ANKS3: variants seen among roughly 807,000 people sequenced by gnomAD.
ANKS3 encodes the protein ankyrin repeat and sterile alpha motif domain containing 3, also known as ankyrin repeat and SAM domain-containing protein 3.
ANKS3 carries 62 observed loss-of-function variants against 80.7 expected under a neutral mutation model. That is an observed-to-expected ratio of 0.77 (90% CI 0.63 to 0.95). The LOEUF is 0.95. ANKS3 is among the 40% of genes least tolerant of loss of function. The pLI, the probability that ANKS3 is intolerant of heterozygous loss-of-function variation, is 0.00. For missense variants in ANKS3, 1,150 were observed against 883.6 expected (o/e 1.30, Z -3.82); for synonymous variants, 489 against 355.3 (o/e 1.38, Z -4.23).
intron 1 of ANKS3, among the ~76,000 whole-genome samples, chr16:4,733,129 A>C (rs546190707): frequency 2.0e-4 from 30 of 150,692 alleles, no homozygotes; most frequent in African/African-American, 6.8e-4. Context: ...TACAAAAAAA[A>C]CAGAATGAAT....
At chr16:4,732,142 G>A (rs1280550245) in intron 1 of ANKS3, among the ~76,000 whole-genome samples, 1 of 151,878 alleles carries the variant, frequency 6.6e-6, no homozygotes, top group Non-Finnish European at 1.5e-5. Flanking sequence ...GGTGCGGTGG[G>A]GCAAGCAAAG....
rs187319885 is a variant in ANKS3, at chr16:4,716,707, G to T, written c.574-2521C>A. Among the ~76,000 whole-genome samples, 489 of 151,924 alleles carry T rather than the reference G, an allele frequency of 3.2e-3. 2 individuals carry two copies. Among genetic ancestry groups the T allele is most frequent in the Non-Finnish European group, 5.9e-3 (400 of 67,966 alleles). ...CCAAGGTGGGTGGATCATAGGTCAT[G>T]AGTTCGAGACCAGCCTGGGCAATGT... is the stretch of plus-strand genomic sequence containing the variant. On this transcript the variant is annotated intron_variant, in intron 6 of 17. Transcript: ENST00000304283.
intron 1 of ANKS3, among the ~76,000 whole-genome samples, chr16:4,732,966 G>A (rs1462041332): frequency 6.6e-6 from 1 of 151,976 alleles, no homozygotes; most frequent in Non-Finnish European, 1.5e-5. Context: ...AAATAAGCCA[G>A]GCACAGAAAG....
In ANKS3 at chr16:4,724,940, G is replaced by A; in HGVS notation, c.492-109C>T. 11 of 839,806 alleles carry A rather than the reference G, an allele frequency of 1.3e-5. 1 individual carries two copies. In the South Asian group the frequency reaches 1.8e-4, roughly 14 times the overall value. The allele number at this position is 839,806 out of a possible 1,614,324, so 52.0% of individuals were successfully genotyped here. On this transcript the variant is annotated intron_variant, in intron 5 of 17. Coordinates refer to ENST00000304283, the MANE Select transcript of ANKS3 (RefSeq NM_133450.4). Reference sequence around the variant, plus strand: ...CAGTGCACGAGTCACCGATCCCTAAGCGTAGAACACTGTCCCTTTCCAGAA... The same window carrying A: ...CAGTGCACGAGTCACCGATCCCTAAACGTAGAACACTGTCCCTTTCCAGAA...
chr16:4,698,835 C>T lies in ANKS3; in HGVS notation c.1516G>A (p.Ala506Thr), dbSNP rs1389760717. Residue 506 changes from alanine (A) to threonine (T), a missense_variant, in exon 13 of 18, where the codon GCT (alanine) becomes ACT (threonine). Coordinates refer to ENST00000304283, the MANE Select transcript of ANKS3 (RefSeq NM_133450.4). Reference sequence around the variant, plus strand: ...TGGATGGCGAGCTCCTGCATCTCAGCCTCCAGCCGGTCGGCGTAGGCCAGC... The same window carrying T: ...TGGATGGCGAGCTCCTGCATCTCAGTCTCCAGCCGGTCGGCGTAGGCCAGC... ...LELAYADRLE[A>T]EMQELAIQLH... 1.2e-6 allele frequency: 2 copies of T among 1,607,800 alleles called. No individual in the cohort carries two copies. Among genetic ancestry groups the T allele is most frequent in the Non-Finnish European group, 1.7e-6 (2 of 1,176,990 alleles).
chr16:4,698,450 A>G lies in ANKS3; in HGVS notation c.1701T>C (p.Ala567=), dbSNP rs1195376029. ...ACCGCAGCTGGTCCAGGACGAGGGC[A>G]GCATCCCGGGCCAGGGCCCACGTCT... The part of the protein sequence containing the change: ...LRETWALARD[A]ALVLDQLRAC... Residue 567 remains alanine (A), a synonymous_variant, in exon 14 of 18, where the codon GCT becomes GCC. Transcript: ENST00000304283. 8 of 1,537,902 alleles carry G rather than the reference A, an allele frequency of 5.2e-6. No homozygotes were observed. In the South Asian group the frequency reaches 9.7e-5, roughly 19 times the overall value.
chr16:4,697,515 C>G, intron 15 of ANKS3, 99 bp from the exon 16 acceptor site: 1 of 981,602 alleles, frequency 1.0e-6, no homozygotes, highest in Non-Finnish European at 1.5e-6. Context: ...CTGCTTGGAT[C>G]AGAACCTCCC....
chr16:4,708,641 A>G (rs1480284100), intron 7 of ANKS3, among the ~76,000 whole-genome samples: 1 of 152,168 alleles, frequency 6.6e-6, no homozygotes, highest in Non-Finnish European at 1.5e-5. Context: ...TAACTTAAGA[A>G]AAAAAGGAAG....
intron 1 of ANKS3, among the ~76,000 whole-genome samples, chr16:4,733,395 G>A (rs1250715957): frequency 1.3e-5 from 2 of 151,804 alleles, no homozygotes; most frequent in African/African-American, 4.8e-5. Flanking sequence ...GGGTTCAAGC[G>A]ATTCTCCTGC....
chr16:4,705,783 G>A (rs1408602597), intron 7 of ANKS3, among the ~76,000 whole-genome samples: 2 of 152,030 alleles, frequency 1.3e-5, no homozygotes, highest in East Asian at 1.9e-4. Context: ...CTCTGTTGGG[G>A]TTTGCCAAAT....
chr16:4,703,198 G>A (rs1370682710), intron 8 of ANKS3, among the ~76,000 whole-genome samples: 2 of 152,144 alleles, frequency 1.3e-5, no homozygotes, highest in East Asian at 3.9e-4. Context: ...CTACAGCCTT[G>A]ACCTCCTGGG....
chr16:4,721,045 C>T (rs1421687317), intron 6 of ANKS3, among the ~76,000 whole-genome samples: 1 of 150,494 alleles, frequency 6.6e-6, no homozygotes, highest in Non-Finnish European at 1.5e-5. Context: ...GTGGCTCACG[C>T]CTGTAATCCC....
Position 4,699,062 on chromosome 16 carries a change from T to C in ANKS3, c.1399A>G (p.Ile467Val). ...CCCTTCTGGACGCACGTGATGCCAA[T>C]TTCCTTCAGGTCGCTCTCAGTGAGG... ...LTLTESDLKEIGITLFGPKRK... is the reference protein window; with the variant it reads ...LTLTESDLKEVGITLFGPKRK... The change falls in exon 12 of 18, where the codon ATT (isoleucine) becomes GTT (valine). Residue 467 changes from isoleucine (I) to valine (V), a missense_variant. Physicochemically the swap from Ile to Val is conservative, Grantham distance 29. Coordinates refer to ENST00000304283, the MANE Select transcript of ANKS3 (RefSeq NM_133450.4). 6.2e-7 allele frequency: 1 copy of C among 1,614,126 alleles called. No homozygotes were observed. Among genetic ancestry groups the C allele is most frequent in the Non-Finnish European group, 8.5e-7 (1 of 1,180,030 alleles).
chr16:4,720,161 CAAA>C (rs34135519), intron 6 of ANKS3, among the ~76,000 whole-genome samples: 1 of 61,050 alleles, frequency 1.6e-5, no homozygotes, highest in African/African-American at 6.5e-5. Context: ...GACCCCACCC[CAAA>C]AAAAAAAAAA....
At chr16:4,728,288 A>G (rs934397848) in intron 3 of ANKS3, among the ~76,000 whole-genome samples, 1 of 151,870 alleles carries the variant, frequency 6.6e-6, no homozygotes, top group Non-Finnish European at 1.5e-5. Flanking sequence ...CTCGTGATCC[A>G]CCCGCCTTAG....
intron 8 of ANKS3, among the ~76,000 whole-genome samples, chr16:4,703,909 G>A (rs2080051091): frequency 6.6e-6 from 1 of 152,230 alleles, no homozygotes; most frequent in Non-Finnish European, 1.5e-5. Context: ...TTGTTGTACA[G>A]CTATATAGAT....
At chr16:4,722,835 T>C (rs547527493) in intron 6 of ANKS3, among the ~76,000 whole-genome samples, 1 of 151,432 alleles carries the variant, frequency 6.6e-6, no homozygotes, top group East Asian at 1.9e-4. Context: ...GAAGAACTGC[T>C]TGAACTTGGG....
At chr16:4,709,406 CAA>C (rs113125252) in intron 7 of ANKS3, among the ~76,000 whole-genome samples, 5 of 103,332 alleles carry the variant, frequency 4.8e-5, no homozygotes, top group Admixed American at 1.0e-4. Flanking sequence ...AACTCCATCT[CAA>C]AAAAAAAAAA....
chr16:4,716,946 T>G (rs2080834068), intron 6 of ANKS3, among the ~76,000 whole-genome samples: 1 of 151,600 alleles, frequency 6.6e-6, no homozygotes, highest in Admixed American at 6.6e-5. Context: ...AACAATAATT[T>G]ATAAGCTGGG....
Sources: allele counts gnomAD v4.1 joint callset (sites outside exome capture counted in the v4.1 genomes callset), GRCh38; gene constraint gnomAD v4.1.1; transcripts MANE v1.5; gene names NCBI Gene and HGNC (gene_info 2026-07-23, HGNC 2026-07-21).